CRYL1: variants seen among roughly 807,000 people sequenced by gnomAD.
The protein encoded by CRYL1 is crystallin lambda 1, also known as lambda-crystallin homolog.
In CRYL1, 29 loss-of-function variants were observed where a neutral mutation model predicts 36.6. The observed-to-expected ratio is 0.79, with a 90% CI of 0.59 to 1.08. The LOEUF is 1.08. Among genes scored for constraint, CRYL1 ranks in the 50% least tolerant of loss-of-function variants. CRYL1 has a pLI of 0.00. For missense variants in CRYL1, 411 were observed against 407.9 expected (o/e 1.01, Z -0.06); for synonymous variants, 152 against 151.5 (o/e 1.00, Z -0.02).
At chr13:20,440,516 A>T (rs942863072) in intron 3 of CRYL1, among the ~76,000 whole-genome samples, 17 of 152,218 alleles carry the variant, frequency 1.1e-4, no homozygotes, top group African/African-American at 4.1e-4. Context: ...TAGCCTGGAA[A>T]TTCTCATAAT....
At chr13:20,495,118 C>T (rs1381192661) in intron 2 of CRYL1, among the ~76,000 whole-genome samples, 1 of 152,196 alleles carries the variant, frequency 6.6e-6, no homozygotes, top group Non-Finnish European at 1.5e-5. Context: ...AGATTAATTC[C>T]AATTTTTTTT....
At chr13:20,522,087 C>T (rs553038766) in intron 1 of CRYL1, among the ~76,000 whole-genome samples, 21 of 152,208 alleles carry the variant, frequency 1.4e-4, no homozygotes, top group Non-Finnish European at 1.9e-4. Context: ...TAGTGGCTCA[C>T]GCCTGTAATC....
chr13:20,450,151 G>T (rs1411386662), intron 3 of CRYL1, among the ~76,000 whole-genome samples: 2 of 152,044 alleles, frequency 1.3e-5, no homozygotes, highest in Admixed American at 6.5e-5. Flanking sequence ...TAAGCAAAAA[G>T]AACAAAGCTG....
chr13:20,479,611 A>C (rs1329115847), intron 3 of CRYL1, among the ~76,000 whole-genome samples: 1 of 152,222 alleles, frequency 6.6e-6, no homozygotes, highest in Non-Finnish European at 1.5e-5. Flanking sequence ...AGAATATGAC[A>C]CTGTATCTAT....
chr13:20,500,832 G>C (rs1406275641), intron 2 of CRYL1, among the ~76,000 whole-genome samples: 2 of 152,082 alleles, frequency 1.3e-5, no homozygotes, highest in African/African-American at 4.8e-5. Context: ...AGTAAACATA[G>C]AAATTGATAC....
intron 5 of CRYL1, among the ~76,000 whole-genome samples, chr13:20,424,536 T>C (rs551886463): frequency 1.3e-5 from 2 of 152,094 alleles, no homozygotes; most frequent in East Asian, 3.9e-4. Flanking sequence ...GAAGGGACAA[T>C]GGCCCAGGCC....
rs553427638 is a variant in CRYL1, at chr13:20,525,096, T to TA, written c.41+657dup. Among the ~76,000 whole-genome samples the TA allele has an allele frequency of 6.8e-4, 103 of 152,150 alleles. 1 individual carries two copies. In the East Asian group the frequency reaches 0.014, roughly 21 times the overall value. On this transcript the variant is annotated intron_variant, in intron 1 of 7. Coordinates refer to ENST00000298248, the MANE Select transcript of CRYL1 (RefSeq NM_015974.3). This position sits in a 1 kb window ranked among gnomAD's most constrained non-coding sequence, Gnocchi z 4.3. ...ACTAAAAATCAGTTTGGGCAGAATT[T>TA]AAGCTGTTAAATGGACACACTTAGC...
In CRYL1 at chr13:20,448,705, C is replaced by T. The variant is rs376472569; in HGVS notation, c.277-8951G>A. Among the ~76,000 whole-genome samples the T allele has an allele frequency of 8.5e-5, 13 of 152,222 alleles. No individual in the cohort carries two copies. The East Asian group carries it at 1.4e-3, about 16-fold the overall frequency. On this transcript the variant is annotated intron_variant, in intron 3 of 7. Coordinates refer to ENST00000298248, the MANE Select transcript of CRYL1 (RefSeq NM_015974.3). ...AAAACTATCAACTTAGAATTCTATA[C>T]CCAGCAAAAATGTCTTTCACAAATG...
At position 20,507,751 on chromosome 13, in the gene CRYL1, T is replaced by C. The variant is rs988843738; in HGVS notation, c.149+4692A>G. On this transcript the variant is annotated intron_variant, in intron 2 of 7. Coordinates refer to ENST00000298248, the MANE Select transcript of CRYL1 (RefSeq NM_015974.3). Reference sequence around the variant, plus strand: ...GGCTAACACAGTGAAACCCCGTCTCTACTAAAAATATAAAAAATTAGCTGG... The same window carrying C: ...GGCTAACACAGTGAAACCCCGTCTCCACTAAAAATATAAAAAATTAGCTGG... Among the ~76,000 whole-genome samples the C allele has an allele frequency of 3.3e-5, 5 of 151,620 alleles. No individual in the cohort carries two copies. The South Asian group carries it at 6.2e-4, about 19-fold the overall frequency.
At chr13:20,414,273 G>T (rs2031601942) in intron 5 of CRYL1, among the ~76,000 whole-genome samples, 1 of 151,288 alleles carries the variant, frequency 6.6e-6, no homozygotes, top group African/African-American at 2.5e-5. Context: ...GTGTGTGTGT[G>T]TGTGAAATGG....
chr13:20,505,250 G>A (rs551846344), intron 2 of CRYL1, among the ~76,000 whole-genome samples: 68 of 151,764 alleles, frequency 4.5e-4, no homozygotes, highest in Admixed American at 3.6e-3. Context: ...CCAGCTACTC[G>A]GGAGGCTGAA....
intron 2 of CRYL1, among the ~76,000 whole-genome samples, chr13:20,507,607 A>G (rs2033816483): frequency 6.6e-6 from 1 of 152,202 alleles, no homozygotes; most frequent in South Asian, 2.1e-4. Flanking sequence ...ATATACTGTC[A>G]CCAGAAAACT....
At chr13:20,494,690 G>A (rs2033574216) in intron 2 of CRYL1, among the ~76,000 whole-genome samples, 1 of 152,188 alleles carries the variant, frequency 6.6e-6, no homozygotes, top group Non-Finnish European at 1.5e-5. Context: ...CATGAGATTA[G>A]ACAGATAATG....
intron 4 of CRYL1, among the ~76,000 whole-genome samples, chr13:20,437,393 C>T (rs1458025856): frequency 1.3e-5 from 2 of 151,650 alleles, no homozygotes; most frequent in Admixed American, 1.3e-4. Context: ...CTGCAAGCTC[C>T]ACCTCCTGGG....
chr13:20,443,247 T>G (rs1000872146), intron 3 of CRYL1, among the ~76,000 whole-genome samples: 2 of 152,176 alleles, frequency 1.3e-5, no homozygotes, highest in African/African-American at 4.8e-5. Flanking sequence ...GGGAAGGGTG[T>G]GCTGGGTAAG....
intron 3 of CRYL1, among the ~76,000 whole-genome samples, chr13:20,456,646 C>T (rs1270719554): frequency 2.2e-5 from 2 of 89,154 alleles, no homozygotes; most frequent in South Asian, 3.5e-4. Flanking sequence ...ACAAAGACCA[C>T]GATTCTTAAA....
At chr13:20,503,118 C>A (rs2033732697) in intron 2 of CRYL1, among the ~76,000 whole-genome samples, 1 of 152,156 alleles carries the variant, frequency 6.6e-6, no homozygotes, top group Admixed American at 6.5e-5. Context: ...ATATAATTAG[C>A]ATATATATGA....
At chr13:20,404,487 G>A in intron 7 of CRYL1, 148 bp downstream of exon 7, 1 of 653,408 alleles carries the variant, frequency 1.5e-6, no homozygotes, top group Admixed American at 2.7e-5. Context: ...ATGGAAGTAT[G>A]AACAAAGTTA....
intron 5 of CRYL1, among the ~76,000 whole-genome samples, chr13:20,424,487 C>A (rs2031890752): frequency 6.6e-6 from 1 of 152,230 alleles, no homozygotes; most frequent in Admixed American, 6.5e-5. Flanking sequence ...ACTGACCACC[C>A]AGACTTCAGA....
Sources: allele counts gnomAD v4.1 joint callset (sites outside exome capture counted in the v4.1 genomes callset), GRCh38; gene constraint gnomAD v4.1.1; non-coding constraint Gnocchi (gnomAD v3.1); transcripts MANE v1.5; gene names NCBI Gene and HGNC (gene_info 2026-07-23, HGNC 2026-07-21).